Variants in KAZN observed in about 807,000 individuals in gnomAD.
KAZN encodes kazrin.
A neutral mutation model predicts 87.4 loss-of-function variants in KAZN; 40 were observed. That is an observed-to-expected ratio of 0.46 (90% CI 0.36 to 0.60). KAZN has a LOEUF of 0.60. Among genes scored for constraint, KAZN ranks in the 20% least tolerant of loss-of-function variants. The pLI is 0.00. For missense variants in KAZN, 898 were observed against 1,073.9 expected, an observed-to-expected ratio of 0.84 and a Z score of 2.29; for synonymous variants, 466 against 458.3, an observed-to-expected ratio of 1.02 and a Z score of -0.22.
chr1:14,599,134 C>T lies in KAZN; in HGVS notation c.137C>T (p.Pro46Leu). ...GCGGAACTGAGCGGCGGCGGCGGCC[C>T]CGGCCCGGGCCCGGGAGCCGCGGCC... is the stretch of plus-strand genomic sequence containing the variant. ...RLAELSGGGG[P>L]GPGPGAAASA... The change falls in exon 1 of 15, where the codon CCC becomes CTC. Residue 46 changes from proline (P) to leucine (L), a missense_variant. Physicochemically the swap from Pro to Leu is moderately conservative, Grantham distance 98. Coordinates refer to ENST00000376030, the MANE Select transcript of KAZN (RefSeq NM_201628.3). The surrounding 1 kb of genome is among the most constrained non-coding windows in gnomAD (Gnocchi z 4.4). The T allele has an allele frequency of 6.8e-7, 1 of 1,472,154 alleles. No individual in the cohort carries two copies. Among genetic ancestry groups the T allele is most frequent in the African/African-American group, 1.5e-5 (1 of 67,810 alleles). The allele number at this position is 1,472,154 out of a possible 1,614,324, so 91.2% of individuals were successfully genotyped here.
chr1:14,033,294 G>A, intron 1 of KAZN, among the ~76,000 whole-genome samples: 1 of 152,144 alleles, frequency 6.6e-6, no homozygotes, highest in East Asian at 1.9e-4. Context: ...TGAGCAATTT[G>A]GTTTTGTCTC....
rs547979510 is a variant in KAZN at position 14,375,335 on chromosome 1, T to C, written c.249+194743T>C. Among the ~76,000 whole-genome samples the C allele has an allele frequency of 4.6e-5, 7 of 152,238 alleles. No homozygotes were observed. The East Asian group carries it at 1.4e-3, about 29-fold the overall frequency. ...TAGACACCTAGGCACTGTCTCTCCATAAGTCAGTCCAACACAGACAGCCTT... is the reference window on the plus strand; with the variant it reads ...TAGACACCTAGGCACTGTCTCTCCACAAGTCAGTCCAACACAGACAGCCTT... On this transcript the variant is annotated intron_variant, in intron 2 of 16. Transcript: ENST00000636203.
chr1:14,201,729 C>A (rs1413993475), intron 2 of KAZN, among the ~76,000 whole-genome samples: 1 of 152,212 alleles, frequency 6.6e-6, no homozygotes, highest in East Asian at 1.9e-4. Context: ...AGTGCAATGG[C>A]AGGATCTCGG....
At chr1:14,419,550 T>G (rs539835980) in intron 2 of KAZN, among the ~76,000 whole-genome samples, 1 of 152,348 alleles carries the variant, frequency 6.6e-6, no homozygotes, top group East Asian at 1.9e-4. Context: ...TGTGGGTTCT[T>G]GGTCTCACTG....
chr1:14,066,741 A>G (rs1323216566), intron 1 of KAZN, among the ~76,000 whole-genome samples: 1 of 152,172 alleles, frequency 6.6e-6, no homozygotes, highest in East Asian at 1.9e-4. Flanking sequence ...ACTCTTCCCC[A>G]TAACCTCCTT....
chr1:14,265,444 T>C (rs1232710316), intron 2 of KAZN, among the ~76,000 whole-genome samples: 1 of 152,222 alleles, frequency 6.6e-6, no homozygotes, highest in Non-Finnish European at 1.5e-5. Context: ...ACTTCAAGGT[T>C]GCTGGCTGCA....
chr1:14,992,682 C>G (rs893853795), intron 2 of KAZN, among the ~76,000 whole-genome samples: 3 of 152,126 alleles, frequency 2.0e-5, no homozygotes, highest in Non-Finnish European at 4.4e-5. Context: ...TTAGCCCTAT[C>G]GCCCAGGCTG....
chr1:14,299,704 G>A (rs1654395918), intron 2 of KAZN, among the ~76,000 whole-genome samples: 1 of 152,144 alleles, frequency 6.6e-6, no homozygotes, highest in African/African-American at 2.4e-5. Flanking sequence ...TTAGCTGGCG[G>A]CACCTAGGTA....
chr1:14,444,192 A>G (rs1666849801), intron 2 of KAZN, among the ~76,000 whole-genome samples: 1 of 151,830 alleles, frequency 6.6e-6, no homozygotes, highest in Admixed American at 6.6e-5. Flanking sequence ...ATGTACATAT[A>G]CCCCTTATGG....
rs557096215 is a variant in KAZN, at chr1:14,448,347, G to A, written c.250-150636G>A. ...GTCACAGCTATAGAATGAGAAAGTG[G>A]CAAAGGCCAAGAGGGAGAATGGGAA... On this transcript the variant is annotated intron_variant, in intron 2 of 16. Coordinates refer to the KAZN transcript ENST00000636203. 1.6e-4 allele frequency among the ~76,000 whole-genome samples: 24 copies of A among 152,332 alleles called. No individual in the cohort carries two copies. In the East Asian group the frequency reaches 4.4e-3, roughly 28 times the overall value.
chr1:14,845,260 TGGGTGGATGGATGGATGAGTGAGTGG>T (rs1648589302), intron 1 of KAZN, among the ~76,000 whole-genome samples: 1 of 146,850 alleles, frequency 6.8e-6, no homozygotes, highest in East Asian at 2.1e-4. Context: ...GGTGGATGGT[TGGGTGGATGGATGGATGAGTGAGTGG>T]GGGTGGATGG....
At chr1:14,948,263 C>G (rs1323753726) in intron 1 of KAZN, among the ~76,000 whole-genome samples, 1 of 152,214 alleles carries the variant, frequency 6.6e-6, no homozygotes, top group Non-Finnish European at 1.5e-5. Context: ...GGGATAGGAT[C>G]TGGCTTCAGG....
At chr1:14,776,933 CAAAAAA>C (rs56275592) in intron 1 of KAZN, among the ~76,000 whole-genome samples, 6 of 113,122 alleles carry the variant, frequency 5.3e-5, no homozygotes, top group Admixed American at 9.0e-5. Flanking sequence ...TACCCTGTCT[CAAAAAA>C]AAAAAAAAAA....
intron 1 of KAZN, among the ~76,000 whole-genome samples, chr1:14,164,600 G>A (rs1295439258): frequency 3.4e-5 from 5 of 147,764 alleles, no homozygotes; most frequent in Non-Finnish European, 7.4e-5. Context: ...GAGTGCAATG[G>A]CACGATCTCG....
At chr1:14,788,502 A>T (rs1645578211) in intron 1 of KAZN, among the ~76,000 whole-genome samples, 2 of 152,166 alleles carry the variant, frequency 1.3e-5, no homozygotes, top group South Asian at 2.1e-4. Context: ...AAGAAGATCG[A>T]TGCAGCACAA....
At position 14,062,767 on chromosome 1, in the gene KAZN, A is replaced by G. The variant is rs192510294; in HGVS notation, c.92-117668A>G. ...AAACTGATTCATGGTACAAAGGAACAGTTCAGGAAGATAGGACATCATCAA... is the reference window on the plus strand; with the variant it reads ...AAACTGATTCATGGTACAAAGGAACGGTTCAGGAAGATAGGACATCATCAA... On this transcript the variant is annotated intron_variant, in intron 1 of 16. Transcript: ENST00000636203. 3.9e-4 allele frequency among the ~76,000 whole-genome samples: 59 copies of G among 152,202 alleles called. 3 individuals are homozygous for G. Among genetic ancestry groups the G allele is most frequent in the Admixed American group, 2.9e-3 (44 of 15,300 alleles).
chr1:14,826,605 C>T (rs977428827), intron 1 of KAZN, among the ~76,000 whole-genome samples: 4 of 152,212 alleles, frequency 2.6e-5, no homozygotes, highest in African/African-American at 9.6e-5. Context: ...GGCCGTTTCC[C>T]TCCCATGTCA....
intron 1 of KAZN, among the ~76,000 whole-genome samples, chr1:14,946,963 G>A (rs966574306): frequency 4.6e-5 from 7 of 152,186 alleles, no homozygotes; most frequent in African/African-American, 1.4e-4. Flanking sequence ...TCTCCCGCCC[G>A]GAGCTAGACA....
intron 1 of KAZN, among the ~76,000 whole-genome samples, chr1:14,835,641 C>T (rs114478369): frequency 6.1e-4 from 93 of 152,256 alleles, no homozygotes; most frequent in African/African-American, 2.2e-3. Flanking sequence ...GATTTGAACC[C>T]AGACCTCTAT....
Sources: gnomAD v4.1 joint callset for allele counts (sites outside exome capture counted in the v4.1 genomes callset) on GRCh38, gnomAD v4.1.1 for gene constraint, Gnocchi (gnomAD v3.1) non-coding constraint, MANE v1.5 for transcripts, NCBI Gene and HGNC (gene_info 2026-07-23, HGNC 2026-07-21) for gene names.